TTC6: variants seen among roughly 807,000 people sequenced by gnomAD.
TTC6 encodes tetratricopeptide repeat protein 6.
A neutral mutation model predicts 210.4 loss-of-function variants in TTC6; 172 were observed. That is an observed-to-expected ratio of 0.82 (90% CI 0.72 to 0.93). The LOEUF is 0.93. TTC6 is among the 40% of genes least tolerant of loss of function. TTC6 has a pLI of 0.00. For missense variants in TTC6, 2,414 were observed against 2,318.1 expected (o/e 1.04, Z -0.85); for synonymous variants, 804 against 819.6 (o/e 0.98, Z 0.32).
At chr14:37,786,702 C>T (rs1198662454) in intron 14 of TTC6, among the ~76,000 whole-genome samples, 6 of 152,208 alleles carry the variant, frequency 3.9e-5, no homozygotes, top group South Asian at 4.1e-4. Flanking sequence ...AGGAATCACC[C>T]GTCTTCTGCA....
chr14:37,813,119 ACTG>A (rs769829660), intron 25 of TTC6, among the ~76,000 whole-genome samples: 2 of 152,112 alleles, frequency 1.3e-5, no homozygotes, highest in Non-Finnish European at 2.9e-5. Context: ...TTTCTGAGGA[ACTG>A]CAACGTAACA....
chr14:37,766,363 C>T (rs1162899309), intron 14 of TTC6, among the ~76,000 whole-genome samples: 1 of 152,188 alleles, frequency 6.6e-6, no homozygotes, highest in Non-Finnish European at 1.5e-5. Flanking sequence ...TAGCCTCCCT[C>T]TCTCCACTCT....
intron 11 of TTC6, 41 bp downstream of exon 13, chr14:37,749,442 C>T: frequency 7.3e-7 from 1 of 1,375,670 alleles, no homozygotes; most frequent in Non-Finnish European, 9.3e-7. Flanking sequence ...TCACCATTTA[C>T]ACTTGCTTTT....
chr14:37,646,513 G>A (rs2095702050), intron 1 of TTC6, among the ~76,000 whole-genome samples: 1 of 152,012 alleles, frequency 6.6e-6, no homozygotes, highest in African/African-American at 2.4e-5. Flanking sequence ...AGACCTCTGT[G>A]GACAATTTCA....
chr14:37,641,678 A>G (rs929500414), intron 1 of TTC6, among the ~76,000 whole-genome samples: 4 of 152,236 alleles, frequency 2.6e-5, no homozygotes, highest in Admixed American at 6.5e-5. Context: ...TATTGAAACT[A>G]TAAGTAATAT....
chr14:37,747,549 G>A (rs1003350837), intron 10 of TTC6, among the ~76,000 whole-genome samples: 1 of 152,118 alleles, frequency 6.6e-6, no homozygotes, highest in South Asian at 2.1e-4. Flanking sequence ...TTTTTACAAG[G>A]ATCCTAGGTA....
intron 7 of TTC6, 114 bp downstream of exon 9, chr14:37,725,116 A>G (rs2095869027): frequency 3.7e-6 from 2 of 535,268 alleles, no homozygotes; most frequent in Non-Finnish European, 6.2e-6. Flanking sequence ...ATTACCAGTT[A>G]TTGCCATAAT....
In TTC6 at chr14:37,841,484, G is replaced by GA; in HGVS notation, c.5342dup (p.Asn1781LysfsTer2). On this transcript the variant is annotated frameshift_variant, in exon 30 of 31. Coordinates refer to ENST00000553443, the Ensembl canonical transcript of TTC6. LOFTEE classifies it high-confidence loss of function. ...CTCAAAAGCTTTAAAATTTGATCCA[G>GA]AAAATGAATATGTTCTCATGAATCG... 6.3e-7 allele frequency: 1 copy of GA among 1,590,284 alleles called. No homozygotes were observed. Among genetic ancestry groups the GA allele is most frequent in the Non-Finnish European group, 8.5e-7 (1 of 1,174,184 alleles).
At chr14:37,762,359 C>G (rs1031710714) in intron 14 of TTC6, among the ~76,000 whole-genome samples, 1 of 152,052 alleles carries the variant, frequency 6.6e-6, no homozygotes, top group African/African-American at 2.4e-5. Context: ...GATTGCTGGA[C>G]CATATGGTGA....
At chr14:37,785,623 A>C (rs1595261553) in intron 14 of TTC6, among the ~76,000 whole-genome samples, 1 of 151,944 alleles carries the variant, frequency 6.6e-6, no homozygotes, top group East Asian at 1.9e-4. Flanking sequence ...TTTTCTCTCA[A>C]CTCGTCGAAG....
chr14:37,649,001 C>T (rs781739585), intron 1 of TTC6, among the ~76,000 whole-genome samples: 1 of 151,970 alleles, frequency 6.6e-6, no homozygotes, highest in Non-Finnish European at 1.5e-5. Flanking sequence ...ATCCACACCT[C>T]CCCACCCCCC....
At chr14:37,827,158 A>G in intron 28 of TTC6, 38 bp from the exon 31 acceptor site, 1 of 1,544,902 alleles carries the variant, frequency 6.5e-7, no homozygotes, top group Non-Finnish European at 8.8e-7. Context: ...GGTAAATACT[A>G]TTCCCCAATG....
chr14:37,719,998 A>G (rs1437158780), intron 6 of TTC6, among the ~76,000 whole-genome samples: 2 of 152,204 alleles, frequency 1.3e-5, no homozygotes, highest in Non-Finnish European at 2.9e-5. Context: ...TCAAAACTCA[A>G]TATAAAAATA....
intron 25 of TTC6, 61 bp downstream of exon 27, chr14:37,812,494 A>G: frequency 6.9e-7 from 1 of 1,453,352 alleles, no homozygotes; most frequent in South Asian, 1.5e-5. Flanking sequence ...GAACTAGTGA[A>G]CAAGATTTTA....
At chr14:37,674,127 T>G (rs550895471) in intron 1 of TTC6, among the ~76,000 whole-genome samples, 7 of 152,146 alleles carry the variant, frequency 4.6e-5, no homozygotes, top group African/African-American at 1.2e-4. Context: ...GTCATTTTTT[T>G]TTTGTTTGTT....
At chr14:37,642,179 A>AG (rs2095693117) in intron 1 of TTC6, among the ~76,000 whole-genome samples, 1 of 152,164 alleles carries the variant, frequency 6.6e-6, no homozygotes, top group African/African-American at 2.4e-5. Flanking sequence ...ATGGTCCCAT[A>AG]GCCTCCGCTG....
chr14:37,795,348 A>G (rs1165183994), exon 18 of TTC6: 20 of 1,520,822 alleles, frequency 1.3e-5, no homozygotes, highest in Non-Finnish European at 1.7e-5. Flanking sequence ...ATTATACATA[A>G]GAAGGTATGA....
chr14:37,634,059 A>C (rs986810852), intron 1 of TTC6, among the ~76,000 whole-genome samples: 3 of 152,224 alleles, frequency 2.0e-5, no homozygotes, highest in Non-Finnish European at 4.4e-5. Context: ...TTTTAATAGA[A>C]AATCACTCAT....
intron 8 of TTC6, among the ~76,000 whole-genome samples, chr14:37,737,377 A>G (rs2095904533): frequency 2.0e-5 from 3 of 152,162 alleles, no homozygotes; most frequent in South Asian, 2.1e-4. Context: ...GCTTTGCACT[A>G]TACTACCTTG....
Sources: allele counts gnomAD v4.1 joint callset (sites outside exome capture counted in the v4.1 genomes callset), GRCh38; gene constraint gnomAD v4.1.1; transcripts MANE v1.5; gene names NCBI Gene and HGNC (gene_info 2026-07-23, HGNC 2026-07-21).